The following PLPP1 variants were observed in gnomAD, a reference collection of about 807,000 sequenced individuals.
The protein encoded by PLPP1 is lipid phosphate phosphohydrolase 1a.
In PLPP1, 24 loss-of-function variants were observed where a neutral mutation model predicts 31.2. That is an observed-to-expected ratio of 0.77 (90% CI 0.56 to 1.08). The LOEUF is 1.08. PLPP1 is among the 50% of genes least tolerant of loss of function. PLPP1 has a pLI of 0.00. For synonymous variants in PLPP1, 146 were observed against 126.3 expected (o/e 1.16, Z -1.05); for missense variants, 319 against 342.7 (o/e 0.93, Z 0.55).
chr5:55,530,424 T>C (rs1323899527), intron 1 of PLPP1: 15 of 1,261,286 alleles, frequency 1.2e-5, no homozygotes, highest in African/African-American at 2.9e-5. Context: ...GGGACACTTA[T>C]AAGTAGGATG....
At chr5:55,516,788 C>T (rs770734997) in intron 1 of PLPP1, among the ~76,000 whole-genome samples, 3 of 152,174 alleles carry the variant, frequency 2.0e-5, no homozygotes, top group Admixed American at 1.3e-4. Context: ...AAATTTGTTT[C>T]GTGTCTTAAT....
intron 3 of PLPP1, among the ~76,000 whole-genome samples, chr5:55,458,887 CAAAAAAAAAAAAAA>C (rs529067608): frequency 1.7e-3 from 35 of 21,108 alleles, no homozygotes; most frequent in African/African-American, 2.9e-3. Flanking sequence ...ACCCTGTCTC[CAAAAAAAAAAAAAA>C]AAAAAAAAAA....
At chr5:55,521,379 T>C (rs1753664165) in intron 1 of PLPP1, among the ~76,000 whole-genome samples, 2 of 146,992 alleles carry the variant, frequency 1.4e-5, no homozygotes, top group East Asian at 4.0e-4. Flanking sequence ...TGGCCAGGCA[T>C]GGTGGTGCAC....
chr5:55,528,873 C>A (rs1219663140), intron 1 of PLPP1, among the ~76,000 whole-genome samples: 1 of 152,084 alleles, frequency 6.6e-6, no homozygotes, highest in African/African-American at 2.4e-5. Flanking sequence ...GTCCTTTATT[C>A]TGTGATTTGG....
At chr5:55,471,155 T>G (rs1295179007) in intron 2 of PLPP1, among the ~76,000 whole-genome samples, 1 of 152,178 alleles carries the variant, frequency 6.6e-6, no homozygotes, top group African/African-American at 2.4e-5. Flanking sequence ...ATTTCCTTTA[T>G]TCTACTGATT....
intron 1 of PLPP1, chr5:55,484,340 G>A (rs1416326606): frequency 6.6e-6 from 1 of 151,926 alleles, no homozygotes; most frequent in East Asian, 1.9e-4. Flanking sequence ...TTAGAGTTGA[G>A]CCCTCCGCTA....
chr5:55,433,729 C>T (rs1335562395), intron 4 of PLPP1, among the ~76,000 whole-genome samples: 1 of 151,274 alleles, frequency 6.6e-6, no homozygotes, highest in African/African-American at 2.4e-5. Flanking sequence ...GATCTCCTGA[C>T]CTCATGATTC....
chr5:55,438,977 C>T (rs1039206437), intron 4 of PLPP1, among the ~76,000 whole-genome samples: 2 of 152,144 alleles, frequency 1.3e-5, no homozygotes, highest in Admixed American at 6.5e-5. Flanking sequence ...AAGCTGGGGC[C>T]TACATCCACA....
At chr5:55,432,179 A>C (rs1751374581) in intron 4 of PLPP1, among the ~76,000 whole-genome samples, 1 of 150,930 alleles carries the variant, frequency 6.6e-6, no homozygotes, top group South Asian at 2.1e-4. Context: ...CATGGCTTCA[A>C]AGGATCTCCC....
intron 1 of PLPP1, among the ~76,000 whole-genome samples, chr5:55,528,635 G>A (rs1234977117): frequency 6.6e-6 from 1 of 152,128 alleles, no homozygotes; most frequent in East Asian, 1.9e-4. Context: ...TTCAGGATAT[G>A]GTTTAATACA....
At position 55,534,576 on chromosome 5, in the gene PLPP1, C is replaced by T; in HGVS notation, c.54G>A (p.Leu18=). 2 of 1,549,220 alleles carry T rather than the reference C, an allele frequency of 1.3e-6. No individual in the cohort carries two copies. The highest frequency in any genetic ancestry group is 1.7e-6 in the Non-Finnish European group (2 of 1,149,892). ...GACCCGGCGGCGCGTACGTACCCAG[C>T]AACACGCAGAGCACATCGAGGGCCA... The part of the protein sequence containing the change: ...PYVALDVLCV[L]LAGLPFAILT... Residue 18 remains leucine (L), a synonymous_variant, in exon 1 of 6, where the codon TTG becomes TTA. Coordinates refer to ENST00000307259, the MANE Select transcript of PLPP1 (RefSeq NM_003711.4).
intron 3 of PLPP1, among the ~76,000 whole-genome samples, chr5:55,442,757 A>G (rs1751653883): frequency 6.6e-6 from 1 of 152,166 alleles, no homozygotes; most frequent in Non-Finnish European, 1.5e-5. Flanking sequence ...ATAAACATCT[A>G]AGTATCATCT....
chr5:55,516,617 A>C (rs1753559576), intron 1 of PLPP1, among the ~76,000 whole-genome samples: 1 of 152,196 alleles, frequency 6.6e-6, no homozygotes, highest in Non-Finnish European at 1.5e-5. Context: ...TTTTCAGATA[A>C]ACTAAAGCTG....
intron 1 of PLPP1, among the ~76,000 whole-genome samples, chr5:55,486,195 A>G (rs1204063148): frequency 1.3e-5 from 2 of 152,014 alleles, no homozygotes; most frequent in Non-Finnish European, 2.9e-5. Context: ...GCATTTCTTT[A>G]TATTTCTTGG....
At chr5:55,466,604 G>C (rs1294278471) in intron 3 of PLPP1, among the ~76,000 whole-genome samples, 1 of 151,972 alleles carries the variant, frequency 6.6e-6, no homozygotes, top group Non-Finnish European at 1.5e-5. Context: ...TCGGGAGGCT[G>C]AGGCAGGAGA....
At chr5:55,482,203 G>A (rs1022329123) in intron 1 of PLPP1, among the ~76,000 whole-genome samples, 9 of 144,508 alleles carry the variant, frequency 6.2e-5, no homozygotes, top group African/African-American at 2.3e-4. Flanking sequence ...TACACACACA[G>A]ACACACACAC....
At chr5:55,459,734 T>G (rs1752109959) in intron 3 of PLPP1, among the ~76,000 whole-genome samples, 1 of 152,160 alleles carries the variant, frequency 6.6e-6, no homozygotes, top group South Asian at 2.1e-4. Context: ...ACAACTCAGG[T>G]TTGAACTGTG....
chr5:55,467,789 G>A lies in PLPP1; in HGVS notation c.491+80C>T, dbSNP rs1480940568. Reference sequence around the variant, plus strand: ...AACACTAACTTCTCTTTTTAAGTGCGTGGCTTATCTTCCAGTCACTGAAAC... The same window carrying A: ...AACACTAACTTCTCTTTTTAAGTGCATGGCTTATCTTCCAGTCACTGAAAC... On this transcript the variant is annotated intron_variant, in intron 3 of 5. Transcript: ENST00000307259. 1.2e-5 allele frequency: 17 copies of A among 1,407,366 alleles called. No individual in the cohort carries two copies. The African/African-American group carries it at 2.0e-4, about 17-fold the overall frequency. The allele number at this position is 1,407,366 out of a possible 1,614,324, so 87.2% of individuals were successfully genotyped here.
At position 55,490,845 on chromosome 5, in the gene PLPP1, C is replaced by G. The variant is rs79900582; in HGVS notation, c.59-15395G>C. 2.0e-4 allele frequency: 231 copies of G among 1,159,756 alleles called. 2 individuals are homozygous for G. In the East Asian group the frequency reaches 5.6e-3, roughly 28 times the overall value. 71.8% of individuals were successfully genotyped at this position (1,159,756 alleles called of 1,614,324 possible). A position where few individuals can be genotyped will look rare whatever the true frequency, so the allele number is the denominator to read the frequency against. On this transcript the variant is annotated intron_variant, in intron 1 of 5. Coordinates refer to ENST00000307259, the MANE Select transcript of PLPP1 (RefSeq NM_003711.4). ...TGGGTATATTCCTCAAGCAATCATTCACCATATCAACACTGGTGAAGACAG... is the reference window on the plus strand; with the variant it reads ...TGGGTATATTCCTCAAGCAATCATTGACCATATCAACACTGGTGAAGACAG...
Sources: gnomAD v4.1 joint callset for allele counts (sites outside exome capture counted in the v4.1 genomes callset) on GRCh38, gnomAD v4.1.1 for gene constraint, MANE v1.5 for transcripts, NCBI Gene and HGNC (gene_info 2026-07-23, HGNC 2026-07-21) for gene names.